The following DENND3 variants were observed in gnomAD, a reference collection of about 807,000 sequenced individuals.
The protein encoded by DENND3 is DENN domain-containing protein 3.
In DENND3, 88 loss-of-function variants were observed where a neutral mutation model predicts 135.1. The observed-to-expected ratio is 0.65, with a 90% CI of 0.55 to 0.78. The LOEUF (loss-of-function observed/expected upper bound fraction) is 0.78, where lower values mean the gene tolerates loss of function less well. Ranked by LOEUF, DENND3 falls within the 30% of genes least tolerant of loss-of-function variation. DENND3 has a pLI of 0.00. For synonymous variants in DENND3, 693 were observed against 712.3 expected, an observed-to-expected ratio of 0.97 and a Z score of 0.43; for missense variants, 1,392 against 1,688.4, an observed-to-expected ratio of 0.82 and a Z score of 3.08.
chr8:141,158,308 T>G (rs1249292061), intron 8 of DENND3: 5 of 1,279,940 alleles, frequency 3.9e-6, no homozygotes, highest in Non-Finnish European at 5.1e-6. Flanking sequence ...GCTGCTTCCT[T>G]GACTTTTAGA....
intron 7 of DENND3, among the ~76,000 whole-genome samples, chr8:141,153,498 C>A (rs1569555753): frequency 6.6e-6 from 1 of 152,248 alleles, no homozygotes; most frequent in Non-Finnish European, 1.5e-5. Context: ...TCACCCCCAG[C>A]CCCGCTTTTC....
rs1481400396 is a variant in DENND3, at chr8:141,139,916, T to C, written c.502-1287T>C. Among the ~76,000 whole-genome samples, 2 of 69,088 alleles carry C rather than the reference T, an allele frequency of 2.9e-5. No homozygotes were observed. Among genetic ancestry groups the C allele is most frequent in the Non-Finnish European group, 6.2e-5 (2 of 32,158 alleles). The allele number at this position is 69,088 out of a possible 152,430, so 45.3% of individuals were successfully genotyped here. On this transcript the variant is annotated intron_variant, in intron 3 of 22. Transcript: ENST00000519811. The surrounding 1 kb of genome is among the most constrained non-coding windows in gnomAD (Gnocchi z 4.2). Reference sequence around the variant, plus strand: ...GCTATATCTATCGTTTTTTTCTTTCTTTTTTTTTTTTGAGACAGTCTCGCT... The same window carrying C: ...GCTATATCTATCGTTTTTTTCTTTCCTTTTTTTTTTTGAGACAGTCTCGCT...
chr8:141,178,251 G>A, intron 16 of DENND3, 55 bp downstream of exon 16: 5 of 1,566,688 alleles, frequency 3.2e-6, no homozygotes, highest in African/African-American at 1.4e-5. Flanking sequence ...CGCCTTAAGT[G>A]ATTTTATCTG....
chr8:141,184,444 C>G (rs908642371), intron 17 of DENND3: 1 of 151,492 alleles, frequency 6.6e-6, no homozygotes, highest in African/African-American at 2.4e-5. Context: ...GCACTCCAGC[C>G]CGGGCAACAT....
rs62522179 is a variant in DENND3, at chr8:141,144,597, G to C, written c.735+338G>C. On this transcript the variant is annotated intron_variant, in intron 5 of 22. Transcript: ENST00000519811. The surrounding 1 kb of genome is among the most constrained non-coding windows in gnomAD (Gnocchi z 4.4). The stretch of plus-strand genomic sequence containing the variant: ...CTAAGCCTCCCTACTGACTGAACAG[G>C]TTCCCTCTTGGCCAACGGGACCCTA... Among the ~76,000 whole-genome samples, 1,155 of 152,156 alleles carry C rather than the reference G, an allele frequency of 7.6e-3. 4 individuals are homozygous for C. Among genetic ancestry groups the C allele is most frequent in the Non-Finnish European group, 0.012 (790 of 68,004 alleles).
chr8:141,151,497 G>A (rs1295715001), intron 6 of DENND3, 122 bp from the exon 7 acceptor site: 6 of 876,498 alleles, frequency 6.8e-6, no homozygotes, highest in Non-Finnish European at 5.3e-6. Context: ...GGAGTTCGAG[G>A]CTGCAGTGAG....
chr8:141,172,670 C>T (rs548071989), intron 13 of DENND3, among the ~76,000 whole-genome samples: 50 of 152,300 alleles, frequency 3.3e-4, no homozygotes, highest in Non-Finnish European at 5.7e-4. Flanking sequence ...CTCTCCTTTT[C>T]CTGTTTCTTG....
chr8:141,188,706 G>A, intron 18 of DENND3: 1 of 392,214 alleles, frequency 2.5e-6, no homozygotes, highest in Non-Finnish European at 4.5e-6. Flanking sequence ...CTTGGTTCAG[G>A]CCGCAGTGAC....
Position 141,166,351 on chromosome 8 carries a change from G to T in DENND3, c.1715G>T (p.Arg572Leu). The T allele has an allele frequency of 3.1e-6, 5 of 1,613,232 alleles. No homozygotes were observed. The highest frequency in any genetic ancestry group is 4.2e-6 in the Non-Finnish European group (5 of 1,179,994). ...CTGGCACCCAGGAACTCCTCGCTCC[G>T]GCTGACGGACACCGCAGGCTGTAGG... ...PELAPRNSSL[R>L]LTDTAGCRGS... Residue 572 changes from arginine (R) to leucine (L), a missense_variant, in exon 12 of 23, where the codon CGG (arginine) becomes CTG (leucine). Physicochemically the swap from Arg to Leu is moderately radical, Grantham distance 102. Transcript: ENST00000519811. The surrounding 1 kb of genome is among the most constrained non-coding windows in gnomAD (Gnocchi z 4.3).
intron 1 of DENND3, among the ~76,000 whole-genome samples, chr8:141,135,643 C>T (rs542282991): frequency 3.9e-5 from 6 of 152,242 alleles, no homozygotes; most frequent in African/African-American, 7.2e-5. Flanking sequence ...TGAAATCAGC[C>T]GGGCAGCAGT....
At position 141,194,035 on chromosome 8, in the gene DENND3, C is replaced by T. The variant is rs201624822; in HGVS notation, c.3639C>T (p.Val1213=). The change falls in exon 23 of 23, where the codon GTC becomes GTT. Residue 1213 remains valine (V), a splice_region_variant and synonymous_variant. Coordinates refer to ENST00000519811, the MANE Select transcript of DENND3 (RefSeq NM_001352890.3). ...INCMIRVKKQ[V]WVGSRGLGQG... ...CCCCTCCCGTTTCTCCCTGGCAGGT[C>T]TGGGTGGGCAGCCGAGGGCTGGGGC... 1.4e-4 allele frequency: 222 copies of T among 1,613,140 alleles called. 4 individuals are homozygous for T. In the East Asian group the frequency reaches 3.3e-3, roughly 24 times the overall value.
At chr8:141,147,351 C>T (rs1818277137) in intron 5 of DENND3, among the ~76,000 whole-genome samples, 1 of 152,214 alleles carries the variant, frequency 6.6e-6, no homozygotes, top group Admixed American at 6.5e-5. Context: ...CTTCCCCAAG[C>T]CCCACAACAG....
chr8:141,157,358 C>T (rs903931495), intron 8 of DENND3: 6 of 985,238 alleles, frequency 6.1e-6, no homozygotes, highest in African/African-American at 5.2e-5. Flanking sequence ...AGGGCTCCCT[C>T]GGGGTTGCTC....
At position 141,137,917 on chromosome 8, in the gene DENND3, G is replaced by A. The variant is rs1383186310; in HGVS notation, c.386-105G>A. On this transcript the variant is annotated intron_variant, in intron 2 of 22. Transcript: ENST00000519811. The surrounding 1 kb of genome is among the most constrained non-coding windows in gnomAD (Gnocchi z 4.1). ...CCTTGGACATGAAGGCACCACCACT[G>A]CTAACTGTGGAGGTGTGTCCTAAAC... 8.6e-6 allele frequency: 10 copies of A among 1,167,406 alleles called. No individual in the cohort carries two copies. Among genetic ancestry groups the A allele is most frequent in the Middle Eastern group, 4.3e-4 (2 of 4,652 alleles). 72.3% of individuals were successfully genotyped at this position (1,167,406 alleles called of 1,614,324 possible). A position where few individuals can be genotyped will look rare whatever the true frequency, so the allele number is the denominator to read the frequency against.
chr8:141,151,103 T>C, intron 6 of DENND3, 150 bp downstream of exon 6: 1 of 1,257,914 alleles, frequency 7.9e-7, no homozygotes, highest in Non-Finnish European at 1.0e-6. Flanking sequence ...TTAAAGCCAA[T>C]GTTCCCTACA....
chr8:141,176,854 G>A, intron 15 of DENND3, 93 bp downstream of exon 15: 1 of 1,418,620 alleles, frequency 7.0e-7, no homozygotes, highest in Non-Finnish European at 9.7e-7. Context: ...AGCTGTGAGT[G>A]CTCGGGCTCG....
In DENND3 at chr8:141,185,156, G is replaced by A. The variant is rs1001301736; in HGVS notation, c.2962G>A (p.Glu988Lys). 7.4e-6 allele frequency: 12 copies of A among 1,613,758 alleles called. No individual in the cohort carries two copies. The highest frequency in any genetic ancestry group is 1.1e-5 in the South Asian group (1 of 91,074). Residue 988 changes from glutamate (E) to lysine (K), a missense_variant, in exon 18 of 23, where the codon GAA (glutamate) becomes AAA (lysine). Transcript: ENST00000519811. ...LYTPGHLDPA[E>K]KVEDAHPKLW... ...CTCTTTAGGGCATCTTGACCCAGCC[G>A]AAAAAGTTGAAGATGCTCACCCCAA...
At chr8:141,192,878 G>A (rs777328927) in intron 22 of DENND3, 11 of 1,511,904 alleles carry the variant, frequency 7.3e-6, no homozygotes, top group East Asian at 2.5e-5. Flanking sequence ...ACTCCACAGC[G>A]CATTCCCCCA....
rs368793052 is a variant in DENND3 at position 141,166,169 on chromosome 8, C to T, written c.1554-21C>T. The T allele has an allele frequency of 6.1e-5, 98 of 1,610,228 alleles. No homozygotes were observed. The highest frequency in any genetic ancestry group is 1.7e-4 in the Middle Eastern group (1 of 6,056). ...TCATTATTGTGTCTATAAACTAACG[C>T]GTTGCTTTTTCGTACCCCAGAATAA... On this transcript the variant is annotated intron_variant, in intron 11 of 22. Transcript: ENST00000519811. This position sits in a 1 kb window ranked among gnomAD's most constrained non-coding sequence, Gnocchi z 4.3.
Sources: allele counts gnomAD v4.1 joint callset (sites outside exome capture counted in the v4.1 genomes callset), GRCh38; gene constraint gnomAD v4.1.1; non-coding constraint Gnocchi (gnomAD v3.1); transcripts MANE v1.5; gene names NCBI Gene and HGNC (gene_info 2026-07-23, HGNC 2026-07-21).